The following USP31 variants were observed in gnomAD, a reference collection of about 807,000 sequenced individuals.
USP31 encodes the protein ubiquitin specific peptidase 31.
A neutral mutation model predicts 119.4 loss-of-function variants in USP31; 44 were observed. The observed-to-expected ratio is 0.37, with a 90% CI of 0.29 to 0.47. The LOEUF (loss-of-function observed/expected upper bound fraction) is 0.47, where lower values mean the gene tolerates loss of function less well. Among genes scored for constraint, USP31 ranks in the 20% least tolerant of loss-of-function variants. The probability of loss-of-function intolerance (pLI) is 0.99; values close to 1 mark genes in which losing one functional copy is unlikely to be tolerated. For synonymous variants in USP31, 749 were observed against 705.6 expected (o/e 1.06, Z -0.97); for missense variants, 1,643 against 1,730.2 (o/e 0.95, Z 0.89).
Position 23,084,542 on chromosome 16 carries a change from T to C in USP31, c.1830+318A>G, listed in dbSNP as rs371434603. ...AGTACCAAAAAGTCAAGAATCACTG[T>C]TTAAGTTACTAAGGAAAAGATCTTA... On this transcript the variant is annotated intron_variant, in intron 11 of 15. Transcript: ENST00000219689. Among the ~76,000 whole-genome samples the C allele has an allele frequency of 4.5e-4, 69 of 152,316 alleles. 1 individual carries two copies. In the South Asian group the frequency reaches 0.013, roughly 29 times the overall value.
chr16:23,073,577 T>C, intron 14 of USP31, 145 bp downstream of exon 14: 1 of 1,087,978 alleles, frequency 9.2e-7, no homozygotes. Context: ...ACTGCAGTCA[T>C]TTTAGTTTCC....
At position 23,085,647 on chromosome 16, in the gene USP31, A is replaced by G. The variant is rs1213304423; in HGVS notation, c.1638T>C (p.Cys546=). The G allele has an allele frequency of 1.9e-6, 3 of 1,613,868 alleles. No individual in the cohort carries two copies. The African/African-American group carries it at 4.0e-5, about 22-fold the overall frequency. The change falls in exon 10 of 16, where the codon TGT becomes TGC. Residue 546 remains cysteine (C), a synonymous_variant. Coordinates refer to ENST00000219689, the MANE Select transcript of USP31 (RefSeq NM_020718.4). ...TCACATGAGCAGTGCCACCTGGTCC[A>G]CAAGATTTTAATGCCCTATAGAACC... The part of the protein sequence containing the change: ...HPIVERALKS[C]GPGGTAHVKL...
chr16:23,072,216 G>A lies in USP31; in HGVS notation c.2336-19C>T. Reference sequence around the variant, plus strand: ...GTGGAGCCTGCAGAGAAGAAAACAGGCATAGAGGTCAGGCTGGGGTCCCTC... The same window carrying A: ...GTGGAGCCTGCAGAGAAGAAAACAGACATAGAGGTCAGGCTGGGGTCCCTC... On this transcript the variant is annotated intron_variant, in intron 14 of 15. Coordinates refer to ENST00000219689, the MANE Select transcript of USP31 (RefSeq NM_020718.4). The A allele has an allele frequency of 1.3e-6, 2 of 1,599,512 alleles. No homozygotes were observed. The highest frequency in any genetic ancestry group is 1.7e-6 in the Non-Finnish European group (2 of 1,178,272).
intron 1 of USP31, among the ~76,000 whole-genome samples, chr16:23,123,907 G>A (rs1902762672): frequency 1.3e-5 from 2 of 151,874 alleles, no homozygotes; most frequent in Admixed American, 1.3e-4. Flanking sequence ...GCTGAGGTGA[G>A]AAGATTACTT....
intron 12 of USP31, among the ~76,000 whole-genome samples, chr16:23,082,205 C>T (rs950240926): frequency 2.0e-5 from 3 of 152,106 alleles, no homozygotes; most frequent in Admixed American, 1.3e-4. Flanking sequence ...AATTTAGGCA[C>T]GACATTTACA....
At position 23,090,719 on chromosome 16, in the gene USP31, C is replaced by T. The variant is rs1901322901; in HGVS notation, c.1320G>A (p.Lys440=). The change falls in exon 7 of 16, where the codon AAG becomes AAA. Residue 440 remains lysine, a synonymous_variant. Coordinates refer to ENST00000219689, the MANE Select transcript of USP31 (RefSeq NM_020718.4). ...RLSSPTQTAA[K]QGKMDSPTSR... is the part of the protein sequence containing the mutation. The stretch of plus-strand genomic sequence containing the variant: ...ATGTGGGAGAATCCATTTTCCCCTG[C>T]TTTGCTGCTGTTTGTGTAGGAGAAG... The T allele has an allele frequency of 1.2e-6, 2 of 1,613,998 alleles. No homozygotes were observed. Among genetic ancestry groups the T allele is most frequent in the Non-Finnish European group, 1.7e-6 (2 of 1,180,000 alleles).
At chr16:23,111,531 C>A (rs1280891249) in intron 1 of USP31, among the ~76,000 whole-genome samples, 1 of 152,206 alleles carries the variant, frequency 6.6e-6, no homozygotes, top group Non-Finnish European at 1.5e-5. Context: ...TGGAAGTTAT[C>A]TGGTAAACAA....
chr16:23,114,467 A>G (rs995985927), intron 1 of USP31, among the ~76,000 whole-genome samples: 4 of 152,230 alleles, frequency 2.6e-5, no homozygotes, highest in East Asian at 1.9e-4. Context: ...AAAAAAAAAA[A>G]AAGAAAGTTT....
chr16:23,072,246 A>T (rs776360188), intron 14 of USP31, 49 bp from the exon 15 acceptor site: 9 of 1,566,588 alleles, frequency 5.7e-6, no homozygotes, highest in Non-Finnish European at 7.7e-6. Flanking sequence ...TCCCTCGGCC[A>T]GCCCTGAGCC....
intron 1 of USP31, among the ~76,000 whole-genome samples, chr16:23,136,608 C>T (rs529120327): frequency 1.3e-5 from 2 of 150,052 alleles, no homozygotes; most frequent in Non-Finnish European, 3.0e-5. Context: ...GAGCTAAGAT[C>T]GTGCCACTGC....
chr16:23,136,083 A>T (rs530141788), intron 1 of USP31, among the ~76,000 whole-genome samples: 4 of 152,356 alleles, frequency 2.6e-5, no homozygotes, highest in Non-Finnish European at 5.9e-5. Flanking sequence ...AAGGGTACCA[A>T]GATCATTCAA....
rs901112694 is a variant in USP31, at chr16:23,143,151, G to A, written c.633+5487C>T. ...CCAAAGTTCAAGGAAAAAAAAATGG[G>A]AGAGAGAATTCTATTCATCAATTAC... On this transcript the variant is annotated intron_variant, in intron 1 of 15. Transcript: ENST00000219689. Among the ~76,000 whole-genome samples the A allele has an allele frequency of 3.3e-5, 5 of 152,168 alleles. No homozygotes were observed. The East Asian group carries it at 5.8e-4, about 18-fold the overall frequency.
chr16:23,143,595 G>C (rs979200733), intron 1 of USP31, among the ~76,000 whole-genome samples: 3 of 139,944 alleles, frequency 2.1e-5, no homozygotes, highest in South Asian at 2.3e-4. Context: ...TGGGGGGGGG[G>C]AGAGAGAGAG....
At chr16:23,106,347 C>T (rs753838778) in intron 3 of USP31, 42 bp from the exon 4 acceptor site, 23 of 1,613,288 alleles carry the variant, frequency 1.4e-5, no homozygotes, top group Non-Finnish European at 1.7e-5. Context: ...TAAAATCACC[C>T]AGAACGATGT....
rs1479677001 is a variant in USP31, at chr16:23,068,476, C to T, written c.3629G>A (p.Ser1210Asn). The change falls in exon 16 of 16, where the codon AGC becomes AAC. Residue 1210 changes from serine to asparagine, a missense_variant. Transcript: ENST00000219689. ...GTCCCTCTTCAAACCAGACTTGATGCTTGTGCTGGGGGAGCGCAGGCTGGC... is the reference window on the plus strand; with the variant it reads ...GTCCCTCTTCAAACCAGACTTGATGTTTGTGCTGGGGGAGCGCAGGCTGGC... ...SMASLRSPSTSIKSGLKRDSK... is the reference protein window; with the variant it reads ...SMASLRSPSTNIKSGLKRDSK... 8 of 1,613,468 alleles carry T rather than the reference C, an allele frequency of 5.0e-6. No homozygotes were observed. Among genetic ancestry groups the T allele is most frequent in the South Asian group, 1.1e-5 (1 of 91,070 alleles).
Position 23,082,640 on chromosome 16 carries a change from T to C in USP31, c.1831-83A>G, listed in dbSNP as rs1274939848. On this transcript the variant is annotated intron_variant, in intron 11 of 15. Transcript: ENST00000219689. ...CTGGACTAATGCCTTAGCCAGGGCA[T>C]GGTGCAACTCAAAATCTCTCTGTAA... 4.4e-6 allele frequency: 7 copies of C among 1,577,298 alleles called. No homozygotes were observed. The Admixed American group carries it at 8.6e-5, about 19-fold the overall frequency.
Position 23,069,463 on chromosome 16 carries a change from G to C in USP31, c.2642C>G (p.Ser881Cys). 1 of 1,614,210 alleles carries C rather than the reference G, an allele frequency of 6.2e-7. No homozygotes were observed. The highest frequency in any genetic ancestry group is 1.1e-5 in the South Asian group (1 of 91,082). Residue 881 changes from serine (S) to cysteine (C), a missense_variant, in exon 16 of 16, where the codon TCC (serine) becomes TGC (cysteine). Around this residue, in one of 5 missense-constraint regions of USP31, gnomAD observed 699 missense variants for 650.9 expected, o/e 1.07. Coordinates refer to ENST00000219689, the MANE Select transcript of USP31 (RefSeq NM_020718.4). ...AKLQMRSNSP[S>C]RFSGDSPIHS... is the part of the protein sequence containing the mutation. ...AATTGGCGAATCCCCTGAAAATCGGGATGGAGAATTGGAGCGCATCTGCAG... is the reference window on the plus strand; with the variant it reads ...AATTGGCGAATCCCCTGAAAATCGGCATGGAGAATTGGAGCGCATCTGCAG...
chr16:23,136,663 A>G (rs1903202037), intron 1 of USP31, among the ~76,000 whole-genome samples: 1 of 152,140 alleles, frequency 6.6e-6, no homozygotes, highest in Non-Finnish European at 1.5e-5. Context: ...CAAAAAAAAA[A>G]AAAAAACTTT....
At chr16:23,101,951 A>G (rs1371169713) in intron 6 of USP31, among the ~76,000 whole-genome samples, 2 of 149,884 alleles carry the variant, frequency 1.3e-5, no homozygotes, top group Non-Finnish European at 3.0e-5. Flanking sequence ...TTAGAATCTT[A>G]AGAGCTGATA....
Sources: allele counts gnomAD v4.1 joint callset (sites outside exome capture counted in the v4.1 genomes callset), GRCh38; gene constraint gnomAD v4.1.1; regional missense constraint gnomAD v4.1.1; transcripts MANE v1.5; gene names NCBI Gene and HGNC (gene_info 2026-07-23, HGNC 2026-07-21).